Variants in DERA observed in about 807,000 individuals in gnomAD.
The protein encoded by DERA is 2-deoxy-D-ribose 5-phosphate aldolase.
A neutral mutation model predicts 41.1 loss-of-function variants in DERA; 15 were observed. That is an observed-to-expected ratio of 0.37 (90% CI 0.24 to 0.56). The LOEUF (loss-of-function observed/expected upper bound fraction) is 0.56, where lower values mean the gene tolerates loss of function less well. Among genes scored for constraint, DERA ranks in the 20% least tolerant of loss-of-function variants. The pLI, the probability that DERA is intolerant of heterozygous loss-of-function variation, is 0.81. For missense variants in DERA, 396 were observed against 403.4 expected, an observed-to-expected ratio of 0.98 and a Z score of 0.16; for synonymous variants, 139 against 137.4, an observed-to-expected ratio of 1.01 and a Z score of -0.08.
At position 16,014,353 on chromosome 12, in the gene DERA, G is replaced by A. The variant is rs1250564623; in HGVS notation, c.638-18189G>A. On this transcript the variant is annotated intron_variant, in intron 6 of 8. Coordinates refer to ENST00000428559, the MANE Select transcript of DERA (RefSeq NM_015954.4). This position sits in a 1 kb window ranked among gnomAD's most constrained non-coding sequence, Gnocchi z 5.4. ...CATGGTTTTGTGGGCCAGGCCTAGG[G>A]CCTTGCTACTTTGTATAGTCTCAGG... 5.3e-5 allele frequency among the ~76,000 whole-genome samples: 8 copies of A among 152,272 alleles called. No homozygotes were observed. In the East Asian group the frequency reaches 1.5e-3, roughly 29 times the overall value.
intron 5 of DERA, among the ~76,000 whole-genome samples, chr12:15,980,357 C>G (rs532544916): frequency 4.7e-4 from 72 of 152,162 alleles, no homozygotes; most frequent in Non-Finnish European, 8.4e-4. Flanking sequence ...AATGACAACA[C>G]TATTTTGTGG....
In DERA at chr12:15,959,979, A is replaced by C; in HGVS notation, c.373+55A>C. ...TTTTTAAACATGTTTCCAGTTCTTC[A>C]TACAATGGGGTATTATATGTAGGTT... On this transcript the variant is annotated intron_variant, in intron 4 of 8. Coordinates refer to ENST00000428559, the MANE Select transcript of DERA (RefSeq NM_015954.4). The surrounding 1 kb of genome is among the most constrained non-coding windows in gnomAD (Gnocchi z 4.5). 7.7e-7 allele frequency: 1 copy of C among 1,300,684 alleles called. No homozygotes were observed. Among genetic ancestry groups the C allele is most frequent in the South Asian group, 1.3e-5 (1 of 75,998 alleles). 80.6% of individuals were successfully genotyped at this position (1,300,684 alleles called of 1,614,324 possible). A position where few individuals can be genotyped will look rare whatever the true frequency, so the allele number is the denominator to read the frequency against.
In DERA at chr12:15,998,443, G is replaced by A. The variant is rs1686870739; in HGVS notation, c.637+16007G>A. Among the ~76,000 whole-genome samples the A allele has an allele frequency of 6.6e-6, 1 of 151,968 alleles. No homozygotes were observed. The highest frequency in any genetic ancestry group is 6.6e-5 in the Admixed American group (1 of 15,246). ...AGCAGTTCTCCCGCCTCAGCCTCCC[G>A]AGTAGCTGAGATTACAGGCATCCAC... is the stretch of plus-strand genomic sequence containing the variant. On this transcript the variant is annotated intron_variant, in intron 6 of 8. Transcript: ENST00000428559. This position sits in a 1 kb window ranked among gnomAD's most constrained non-coding sequence, Gnocchi z 4.8.
intron 1 of DERA, among the ~76,000 whole-genome samples, chr12:15,932,105 C>T (rs1948332765): frequency 6.6e-6 from 1 of 152,134 alleles, no homozygotes; most frequent in Admixed American, 6.5e-5. Flanking sequence ...GGACTAAGAG[C>T]ATATAATAAT....
chr12:16,030,501 T>C (rs1348675958), intron 6 of DERA, among the ~76,000 whole-genome samples: 1 of 152,224 alleles, frequency 6.6e-6, no homozygotes, highest in Non-Finnish European at 1.5e-5. Flanking sequence ...ATCTATGCAT[T>C]TATTAATGAA....
chr12:16,031,989 A>T (rs189993587), intron 6 of DERA, among the ~76,000 whole-genome samples: 80 of 152,284 alleles, frequency 5.3e-4, no homozygotes, highest in Non-Finnish European at 1.2e-4. Flanking sequence ...GTTGTTTAAG[A>T]TATTTGCAAG....
rs909108759 is a variant in DERA at position 15,970,631 on chromosome 12, A to G, written c.508+7684A>G. Among the ~76,000 whole-genome samples the G allele has an allele frequency of 6.6e-6, 1 of 152,096 alleles. No individual in the cohort carries two copies. The highest frequency in any genetic ancestry group is 1.5e-5 in the Non-Finnish European group (1 of 68,014). ...CATTCTATTTTTGAAAATAATGTTA[A>G]GAATGAGCTCATTAAAAAAGAAAAC... On this transcript the variant is annotated intron_variant, in intron 5 of 8. Coordinates refer to ENST00000428559, the MANE Select transcript of DERA (RefSeq NM_015954.4). This position sits in a 1 kb window ranked among gnomAD's most constrained non-coding sequence, Gnocchi z 4.3.
intron 5 of DERA, among the ~76,000 whole-genome samples, chr12:15,971,738 G>A (rs1431571424): frequency 2.6e-5 from 4 of 151,994 alleles, no homozygotes; most frequent in East Asian, 1.9e-4. Context: ...GGCTGGTCTC[G>A]AACTCCTGAC....
At chr12:16,032,754 A>G (rs1949101752) in intron 7 of DERA, 100 bp downstream of exon 7, 2 of 752,126 alleles carry the variant, frequency 2.7e-6, no homozygotes, top group African/African-American at 1.8e-5. Context: ...GAAGTTGTGA[A>G]TGAATTACCT....
intron 6 of DERA, among the ~76,000 whole-genome samples, chr12:15,987,132 G>C (rs1241339883): frequency 1.3e-5 from 2 of 149,596 alleles, no homozygotes; most frequent in Non-Finnish European, 3.0e-5. Flanking sequence ...CCTAAGTATG[G>C]TTTTCTTTGT....
In DERA at chr12:15,989,746, A is replaced by G. The variant is rs1948788916; in HGVS notation, c.637+7310A>G. ...TTTTATAATTTTTGTAGCCATTTAG[A>G]TTATGGTCAAAAAGAAATTCTTTGG... On this transcript the variant is annotated intron_variant, in intron 6 of 8. Coordinates refer to ENST00000428559, the MANE Select transcript of DERA (RefSeq NM_015954.4). The surrounding 1 kb of genome is among the most constrained non-coding windows in gnomAD (Gnocchi z 5.2). 6.6e-6 allele frequency among the ~76,000 whole-genome samples: 1 copy of G among 152,206 alleles called. No individual in the cohort carries two copies. Among genetic ancestry groups the G allele is most frequent in the African/African-American group, 2.4e-5 (1 of 41,444 alleles).
chr12:15,954,880 G>A lies in DERA; in HGVS notation c.32-2056G>A, dbSNP rs965621490. Among the ~76,000 whole-genome samples, 2 of 151,940 alleles carry A rather than the reference G, an allele frequency of 1.3e-5. No homozygotes were observed. The highest frequency in any genetic ancestry group is 3.9e-4 in the East Asian group (2 of 5,164). The stretch of plus-strand genomic sequence containing the variant: ...AATAGGCCTACCTCTTTTTGATCAC[G>A]GTCAACAATTAGTTGGCAGTGAGTC... On this transcript the variant is annotated intron_variant, in intron 1 of 8. Transcript: ENST00000428559. The surrounding 1 kb of genome is among the most constrained non-coding windows in gnomAD (Gnocchi z 4.0).
chr12:15,977,101 C>G (rs908751755), intron 5 of DERA, among the ~76,000 whole-genome samples: 1 of 152,088 alleles, frequency 6.6e-6, no homozygotes, highest in African/African-American at 2.4e-5. Context: ...TACCTTGGAA[C>G]TTTTCATTTT....
rs569976886 is a variant in DERA at position 16,008,223 on chromosome 12, C to T, written c.638-24319C>T. Among the ~76,000 whole-genome samples, 16 of 152,352 alleles carry T rather than the reference C, an allele frequency of 1.1e-4. No homozygotes were observed. The highest frequency in any genetic ancestry group is 2.6e-4 in the African/African-American group (11 of 41,582). Reference sequence around the variant, plus strand: ...CACATTGGTGTACAGATGCTTCATTCGCTAATGCCTCAGATGGTTGTTTCT... The same window carrying T: ...CACATTGGTGTACAGATGCTTCATTTGCTAATGCCTCAGATGGTTGTTTCT... On this transcript the variant is annotated intron_variant, in intron 6 of 8. Transcript: ENST00000428559. The surrounding 1 kb of genome is among the most constrained non-coding windows in gnomAD (Gnocchi z 4.8).
At chr12:15,980,817 A>T (rs1319754706) in intron 5 of DERA, among the ~76,000 whole-genome samples, 1 of 152,030 alleles carries the variant, frequency 6.6e-6, no homozygotes, top group Non-Finnish European at 1.5e-5. Flanking sequence ...ATTTGCTTTC[A>T]TTTCTCTTCA....
In DERA at chr12:16,014,378, G is replaced by A. The variant is rs1948966634; in HGVS notation, c.638-18164G>A. Among the ~76,000 whole-genome samples the A allele has an allele frequency of 6.6e-6, 1 of 152,180 alleles. No homozygotes were observed. The highest frequency in any genetic ancestry group is 1.5e-5 in the Non-Finnish European group (1 of 68,038). On this transcript the variant is annotated intron_variant, in intron 6 of 8. Transcript: ENST00000428559. This position sits in a 1 kb window ranked among gnomAD's most constrained non-coding sequence, Gnocchi z 5.4. ...GCCTTGCTACTTTGTATAGTCTCAG[G>A]ACTTGGTGCCCTGCATCCCGGCCGT...
In DERA at chr12:15,998,973, TACTGTTCTGATAGC is replaced by T. The variant is rs1485652007; in HGVS notation, c.637+16541_637+16554del. Among the ~76,000 whole-genome samples, 1 of 152,232 alleles carries T rather than the reference TACTGTTCTGATAGC, an allele frequency of 6.6e-6. No individual in the cohort carries two copies. The highest frequency in any genetic ancestry group is 1.5e-5 in the Non-Finnish European group (1 of 68,046). Reference sequence around the variant, plus strand: ...TCTCTCAGGACATTTGTAATTCTTCTACTGTTCTGATAGCACTATCAAGATTTCACCTCCTTTCA... The same window carrying T: ...TCTCTCAGGACATTTGTAATTCTTCTACTATCAAGATTTCACCTCCTTTCA... On this transcript the variant is annotated intron_variant, in intron 6 of 8. Coordinates refer to ENST00000428559, the MANE Select transcript of DERA (RefSeq NM_015954.4). This position sits in a 1 kb window ranked among gnomAD's most constrained non-coding sequence, Gnocchi z 4.8.
chr12:15,972,902 G>A lies in DERA; in HGVS notation c.509-9406G>A, dbSNP rs561396490. ...CCTGCTGGCGTGCGGGGACAGCATT[G>A]CAGAAGGTAGGGCCAGTTGTCAACC... On this transcript the variant is annotated intron_variant, in intron 5 of 8. Transcript: ENST00000428559. The surrounding 1 kb of genome is among the most constrained non-coding windows in gnomAD (Gnocchi z 4.4). Among the ~76,000 whole-genome samples, 114 of 152,346 alleles carry A rather than the reference G, an allele frequency of 7.5e-4. No individual in the cohort carries two copies. The highest frequency in any genetic ancestry group is 1.8e-4 in the Non-Finnish European group (12 of 68,024).
At position 15,959,896 on chromosome 12, in the gene DERA, T is replaced by C; in HGVS notation, c.345T>C (p.Ala115=). ...RVCDAVKALK[A]AGCNIPVASV... is the part of the protein sequence containing the mutation. ...GTGATGCTGTAAAAGCACTCAAGGC[T>C]GCAGGCTGTAATATCCCTGTGGCAT... The change falls in exon 4 of 9, where the codon GCT becomes GCC. Residue 115 remains alanine (A), a synonymous_variant. Transcript: ENST00000428559. This position sits in a 1 kb window ranked among gnomAD's most constrained non-coding sequence, Gnocchi z 4.5. 1 of 1,549,728 alleles carries C rather than the reference T, an allele frequency of 6.5e-7. No individual in the cohort carries two copies.
Sources: gnomAD v4.1 joint callset for allele counts (sites outside exome capture counted in the v4.1 genomes callset) on GRCh38, gnomAD v4.1.1 for gene constraint, Gnocchi (gnomAD v3.1) non-coding constraint, MANE v1.5 for transcripts, NCBI Gene and HGNC (gene_info 2026-07-23, HGNC 2026-07-21) for gene names.